Variants in TMEFF2 observed in about 807,000 individuals in gnomAD.
TMEFF2 encodes the protein tomoregulin-2.
In TMEFF2, 28 loss-of-function variants were observed where a neutral mutation model predicts 53.8. The ratio of observed to expected loss-of-function variants is 0.52; its 90% CI spans 0.39 to 0.71. The LOEUF (loss-of-function observed/expected upper bound fraction) is 0.71, where lower values mean the gene tolerates loss of function less well. TMEFF2 is among the 30% of genes least tolerant of loss of function. The pLI is 0.00. For synonymous variants in TMEFF2, 162 were observed against 166.3 expected (o/e 0.97, Z 0.20); for missense variants, 353 against 455.2 (o/e 0.78, Z 2.04).
chr2:192,090,810 C>A (rs1308060200), intron 4 of TMEFF2, among the ~76,000 whole-genome samples: 2 of 152,118 alleles, frequency 1.3e-5, no homozygotes, highest in African/African-American at 4.8e-5. Flanking sequence ...AGACATTGAA[C>A]AGAGCAGGTA....
chr2:192,078,382 A>G (rs537014867), intron 4 of TMEFF2, among the ~76,000 whole-genome samples: 2 of 152,256 alleles, frequency 1.3e-5, no homozygotes, highest in South Asian at 2.1e-4. Flanking sequence ...ATTGGAAGCT[A>G]TTTCTTCACT....
At chr2:192,091,799 A>T (rs1688795763) in intron 4 of TMEFF2, among the ~76,000 whole-genome samples, 1 of 152,170 alleles carries the variant, frequency 6.6e-6, no homozygotes, top group Admixed American at 6.6e-5. Flanking sequence ...ATGAACTGCT[A>T]TGTGCCTTTT....
chr2:191,964,306 T>TC (rs1481496257), intron 7 of TMEFF2, among the ~76,000 whole-genome samples: 4 of 147,974 alleles, frequency 2.7e-5, no homozygotes, highest in Admixed American at 1.3e-4. Flanking sequence ...CTTCTTTCCT[T>TC]CTTTCTTTCC....
In TMEFF2 at chr2:191,992,509, C is replaced by T. The variant is rs772479990; in HGVS notation, c.745+5753G>A. Among the ~76,000 whole-genome samples, 62 of 151,948 alleles carry T rather than the reference C, an allele frequency of 4.1e-4. 1 individual carries two copies. The highest frequency in any genetic ancestry group is 1.2e-3 in the African/African-American group (48 of 41,380). ...AATGTCAAAATACTGTGTCCGGTTC[C>T]GGCTCAGCCACTTAGCTTCTTTGAG... On this transcript the variant is annotated intron_variant, in intron 7 of 9. Coordinates refer to ENST00000272771, the MANE Select transcript of TMEFF2 (RefSeq NM_016192.4).
chr2:192,081,800 C>CTTT (rs900552541), intron 4 of TMEFF2, among the ~76,000 whole-genome samples: 1,799 of 130,330 alleles, frequency 0.014, 75 homozygotes, highest in African/African-American at 0.05. Context: ...AACGATTTCC[C>CTTT]TTTTTTTTTT....
At chr2:192,158,491 G>A (rs1365209694) in intron 4 of TMEFF2, among the ~76,000 whole-genome samples, 1 of 152,100 alleles carries the variant, frequency 6.6e-6, no homozygotes, top group African/African-American at 2.4e-5. Flanking sequence ...GCGATATTCA[G>A]TAGAAAATAA....
intron 7 of TMEFF2, among the ~76,000 whole-genome samples, chr2:191,987,396 TCTTA>T (rs1686002855): frequency 9.0e-6 from 1 of 111,644 alleles, no homozygotes; most frequent in African/African-American, 3.2e-5. Flanking sequence ...AACATCATAA[TCTTA>T]CTTTCTTTTT....
At chr2:192,075,296 T>TATATAAATATATATATATATATATAA (rs1559114949) in intron 4 of TMEFF2, among the ~76,000 whole-genome samples, 1 of 32,972 alleles carries the variant, frequency 3.0e-5, no homozygotes, top group Admixed American at 3.5e-4. Flanking sequence ...TATATATATA[T>TATATAAATATATATATATATATATAA]ATATATATAT....
At chr2:192,021,617 A>G (rs1273746021) in intron 5 of TMEFF2, among the ~76,000 whole-genome samples, 1 of 152,204 alleles carries the variant, frequency 6.6e-6, no homozygotes, top group East Asian at 1.9e-4. Context: ...GTGATAGAAT[A>G]ACATGCAGGA....
At chr2:192,103,179 TAA>T (rs1689073270) in intron 4 of TMEFF2, among the ~76,000 whole-genome samples, 2 of 152,220 alleles carry the variant, frequency 1.3e-5, no homozygotes, top group South Asian at 2.1e-4. Flanking sequence ...TCTCTTTTTC[TAA>T]AACTCTGTTT....
chr2:191,980,030 A>G, intron 7 of TMEFF2, among the ~76,000 whole-genome samples: 1 of 152,302 alleles, frequency 6.6e-6, no homozygotes, highest in African/African-American at 2.4e-5. Flanking sequence ...GGTAGCTCTC[A>G]GTCTTATTCG....
At chr2:192,118,354 T>C (rs537818961) in intron 4 of TMEFF2, among the ~76,000 whole-genome samples, 5 of 152,160 alleles carry the variant, frequency 3.3e-5, no homozygotes, top group African/African-American at 4.8e-5. Context: ...CACTTTGCAG[T>C]AAAAATTTTG....
intron 4 of TMEFF2, among the ~76,000 whole-genome samples, chr2:192,106,203 G>A (rs183005242): frequency 9.9e-5 from 15 of 151,616 alleles, no homozygotes; most frequent in African/African-American, 3.6e-4. Context: ...AATGTTTGAG[G>A]AGCATATTTA....
intron 7 of TMEFF2, among the ~76,000 whole-genome samples, chr2:191,985,329 C>T (rs562666488): frequency 3.8e-4 from 58 of 152,058 alleles, no homozygotes; most frequent in African/African-American, 1.4e-3. Flanking sequence ...TTTCACAAAA[C>T]CAAAACATTT....
intron 4 of TMEFF2, among the ~76,000 whole-genome samples, chr2:192,134,043 A>G (rs1689932572): frequency 6.6e-6 from 1 of 152,136 alleles, no homozygotes; most frequent in South Asian, 2.1e-4. Context: ...GTTTTAGCCT[A>G]GCCATCATGT....
At chr2:192,127,562 A>C (rs572768886) in intron 4 of TMEFF2, among the ~76,000 whole-genome samples, 72 of 152,308 alleles carry the variant, frequency 4.7e-4, no homozygotes, top group Admixed American at 2.0e-3. Flanking sequence ...GGGAAACCTC[A>C]CTTGCTGGCA....
chr2:192,179,593 T>C (rs1314427836), intron 4 of TMEFF2, 75 bp downstream of exon 4: 1 of 1,426,634 alleles, frequency 7.0e-7, no homozygotes. Flanking sequence ...ATATCTGAAA[T>C]GGAACATACA....
intron 4 of TMEFF2, among the ~76,000 whole-genome samples, chr2:192,146,849 C>A (rs921351770): frequency 3.3e-5 from 5 of 152,072 alleles, no homozygotes; most frequent in Admixed American, 2.0e-4. Context: ...AGGCTTACAG[C>A]GTAAGCTAAG....
At chr2:192,004,575 A>T (rs1315182068) in intron 5 of TMEFF2, among the ~76,000 whole-genome samples, 1 of 152,158 alleles carries the variant, frequency 6.6e-6, no homozygotes, top group East Asian at 1.9e-4. Context: ...GAGGTCAGGA[A>T]TTTGAGAGCA....
Sources: allele counts gnomAD v4.1 joint callset (sites outside exome capture counted in the v4.1 genomes callset), GRCh38; gene constraint gnomAD v4.1.1; transcripts MANE v1.5; gene names NCBI Gene and HGNC (gene_info 2026-07-23, HGNC 2026-07-21).